Variants in DPYSL2 observed in about 807,000 individuals in gnomAD.
DPYSL2 encodes the protein dihydropyrimidinase-related protein 2.
DPYSL2 carries 13 observed loss-of-function variants against 69.9 expected under a neutral mutation model. The ratio of observed to expected loss-of-function variants is 0.19; its 90% CI spans 0.12 to 0.30. The LOEUF (loss-of-function observed/expected upper bound fraction) is 0.30, where lower values mean the gene tolerates loss of function less well. DPYSL2 is among the 10% of genes least tolerant of loss of function. DPYSL2 has a pLI of 1.00. For missense variants in DPYSL2, 587 were observed against 918.9 expected, an observed-to-expected ratio of 0.64 and a Z score of 4.67; for synonymous variants, 326 against 359.1, an observed-to-expected ratio of 0.91 and a Z score of 1.04.
intron 1 of DPYSL2, among the ~76,000 whole-genome samples, chr8:26,567,379 C>T (rs1585513386): frequency 1.4e-5 from 2 of 143,860 alleles, no homozygotes; most frequent in South Asian, 2.2e-4. Flanking sequence ...CATCTGCCCA[C>T]CCAACTATCC....
In DPYSL2 at chr8:26,640,425, A is replaced by G. The variant is rs372763905; in HGVS notation, c.1127-3014A>G. On this transcript the variant is annotated intron_variant, in intron 8 of 13. Transcript: ENST00000521913. This position sits in a 1 kb window ranked among gnomAD's most constrained non-coding sequence, Gnocchi z 4.2. Reference sequence around the variant, plus strand: ...TAGAGAAGTGCAGAAGGGCCAATTAAGCCCATTTCGTGGTTTATTATTATT... The same window carrying G: ...TAGAGAAGTGCAGAAGGGCCAATTAGGCCCATTTCGTGGTTTATTATTATT... Among the ~76,000 whole-genome samples, 5 of 152,340 alleles carry G rather than the reference A, an allele frequency of 3.3e-5. No individual in the cohort carries two copies. The East Asian group carries it at 5.8e-4, about 18-fold the overall frequency.
chr8:26,564,513 G>A lies in DPYSL2; in HGVS notation c.355-17456G>A, dbSNP rs1486596312. 2.6e-5 allele frequency among the ~76,000 whole-genome samples: 4 copies of A among 152,154 alleles called. No individual in the cohort carries two copies. The highest frequency in any genetic ancestry group is 5.9e-5 in the Non-Finnish European group (4 of 68,034). ...GGCTGACGTCTTCCTGTGAGACCTA[G>A]GGAAGGAGAAAAGAGGGGTGTGTGT... On this transcript the variant is annotated intron_variant, in intron 1 of 13. Coordinates refer to ENST00000521913, the MANE Select transcript of DPYSL2 (RefSeq NM_001197293.3). The surrounding 1 kb of genome is among the most constrained non-coding windows in gnomAD (Gnocchi z 4.8).
At chr8:26,558,309 G>T (rs1372912606) in intron 1 of DPYSL2, among the ~76,000 whole-genome samples, 1 of 152,270 alleles carries the variant, frequency 6.6e-6, no homozygotes, top group East Asian at 1.9e-4. Flanking sequence ...GGAACCTTAA[G>T]TATTTATTGC....
chr8:26,577,867 C>T, intron 1 of DPYSL2: 1 of 1,090,240 alleles, frequency 9.2e-7, no homozygotes, highest in South Asian at 2.4e-5. Flanking sequence ...TCTCTCGAAG[C>T]GGATGGCTTT....
chr8:26,530,113 C>CAAAAAA (rs34448431), intron 1 of DPYSL2, among the ~76,000 whole-genome samples: 9 of 72,030 alleles, frequency 1.2e-4, no homozygotes, highest in East Asian at 4.4e-4. Flanking sequence ...ACTCCGTCTC[C>CAAAAAA]AAAAAAAAAA....
chr8:26,583,736 T>C, intron 2 of DPYSL2, 63 bp from the exon 3 acceptor site: 1 of 1,455,890 alleles, frequency 6.9e-7, no homozygotes, highest in Non-Finnish European at 9.4e-7. Flanking sequence ...TGAAAGTAGC[T>C]GTCAGATCCC....
intron 1 of DPYSL2, among the ~76,000 whole-genome samples, chr8:26,559,087 C>T (rs902761978): frequency 6.6e-6 from 1 of 152,096 alleles, no homozygotes; most frequent in East Asian, 1.9e-4. Flanking sequence ...GGACTACAAG[C>T]GCACGCCACC....
chr8:26,577,182 C>T (rs556706217), intron 1 of DPYSL2: 26 of 445,834 alleles, frequency 5.8e-5, no homozygotes, highest in South Asian at 4.0e-4. Flanking sequence ...CCGGCGCCTC[C>T]ACGCGGGCCA....
chr8:26,541,380 AACTT>A (rs1236998125), intron 1 of DPYSL2, among the ~76,000 whole-genome samples: 1 of 152,214 alleles, frequency 6.6e-6, no homozygotes, highest in Non-Finnish European at 1.5e-5. Flanking sequence ...CACTAGACCT[AACTT>A]ACTTATCATT....
rs1354098619 is a variant in DPYSL2, at chr8:26,565,853, T to G, written c.355-16116T>G. ...TCAACACACAGCTCCCAAGGTTGTC[T>G]GGGCAATCATCATCCCGTCAGCTTG... On this transcript the variant is annotated intron_variant, in intron 1 of 13. Transcript: ENST00000521913. This position sits in a 1 kb window ranked among gnomAD's most constrained non-coding sequence, Gnocchi z 4.1. 6.6e-6 allele frequency among the ~76,000 whole-genome samples: 1 copy of G among 152,198 alleles called. No individual in the cohort carries two copies. The highest frequency in any genetic ancestry group is 1.5e-5 in the Non-Finnish European group (1 of 68,034).
intron 3 of DPYSL2, chr8:26,623,736 C>T (rs1802550661): frequency 5.7e-6 from 1 of 176,770 alleles, no homozygotes; most frequent in African/African-American, 2.4e-5. Context: ...TCTGCTCCAG[C>T]ACCTTCAAGT....
intron 3 of DPYSL2, among the ~76,000 whole-genome samples, chr8:26,599,833 T>C (rs1200808789): frequency 1.3e-5 from 2 of 152,208 alleles, no homozygotes; most frequent in South Asian, 2.1e-4. Context: ...ATTCACAGAA[T>C]TGTGGAAGCA....
At chr8:26,576,998 G>C (rs889739446) in intron 1 of DPYSL2, 10 of 309,662 alleles carry the variant, frequency 3.2e-5, no homozygotes, top group Middle Eastern at 7.9e-4. Context: ...CGCCACATCG[G>C]CCTCGGCGGG....
At position 26,607,222 on chromosome 8, in the gene DPYSL2, C is replaced by T. The variant is rs1400620845; in HGVS notation, c.629-16921C>T. On this transcript the variant is annotated intron_variant, in intron 3 of 13. Transcript: ENST00000521913. Reference sequence around the variant, plus strand: ...ATTTTGGGGGCCGGGTGGTGCCTCACGCCTGTTATCCCAGCACTTTGGGAG... The same window carrying T: ...ATTTTGGGGGCCGGGTGGTGCCTCATGCCTGTTATCCCAGCACTTTGGGAG... 3.9e-5 allele frequency among the ~76,000 whole-genome samples: 6 copies of T among 152,162 alleles called. No homozygotes were observed. In the East Asian group the frequency reaches 7.7e-4, roughly 20 times the overall value.
rs1195360434 is a variant in DPYSL2 at position 26,651,246 on chromosome 8, A to G, written c.1597-1011A>G. Among the ~76,000 whole-genome samples the G allele has an allele frequency of 3.3e-5, 5 of 152,272 alleles. No homozygotes were observed. In the South Asian group the frequency reaches 6.2e-4, roughly 19 times the overall value. ...TGTATGCGGGGCATTGTGCATTTAC[A>G]TGCCTGATGTGAGCTGCTGAGCTGG... is the stretch of plus-strand genomic sequence containing the variant. On this transcript the variant is annotated intron_variant, in intron 11 of 13. Coordinates refer to ENST00000521913, the MANE Select transcript of DPYSL2 (RefSeq NM_001197293.3).
intron 1 of DPYSL2, among the ~76,000 whole-genome samples, chr8:26,554,402 G>T: frequency 1.3e-5 from 2 of 149,698 alleles, no homozygotes; most frequent in Non-Finnish European, 1.5e-5. Context: ...GTTCTTTATA[G>T]ATGCTGTGTA....
chr8:26,655,845 A>G lies in DPYSL2; in HGVS notation c.*139A>G, dbSNP rs1389671708. The G allele has an allele frequency of 2.3e-6, 2 of 854,136 alleles. No homozygotes were observed. Among genetic ancestry groups the G allele is most frequent in the South Asian group, 5.5e-5 (2 of 36,680 alleles). 52.9% of individuals were successfully genotyped at this position (854,136 alleles called of 1,614,324 possible). On this transcript the variant is annotated 3_prime_UTR_variant, in exon 14 of 14. Coordinates refer to ENST00000521913, the MANE Select transcript of DPYSL2 (RefSeq NM_001197293.3). ...ATAGTTACTGTGGAGCAGCCAGTTC[A>G]TGGGGTCCCCCTTGGGGCCCCACAC...
Position 26,541,426 on chromosome 8 carries a change from GAAAC to G in DPYSL2, c.354+26754_354+26757del, listed in dbSNP as rs369625711. ...TCATGTCTTTTTGTTTCTTCTATCTGAAACAAACAATGCTTCAGAGACTTCTTCA... is the reference window on the plus strand; with the variant it reads ...TCATGTCTTTTTGTTTCTTCTATCTGAAACAATGCTTCAGAGACTTCTTCA... On this transcript the variant is annotated intron_variant, in intron 1 of 13. Transcript: ENST00000521913. 2.0e-3 allele frequency among the ~76,000 whole-genome samples: 309 copies of G among 152,180 alleles called. 3 individuals carry two copies. The highest frequency in any genetic ancestry group is 7.2e-3 in the African/African-American group (298 of 41,528).
At chr8:26,622,155 T>TTCCCTCCCTCCCTCCC (rs1554544282) in intron 3 of DPYSL2, among the ~76,000 whole-genome samples, 1 of 68,970 alleles carries the variant, frequency 1.4e-5, no homozygotes, top group African/African-American at 5.6e-5. Flanking sequence ...CCTTCCTTCC[T>TTCCCTCCCTCCCTCCC]TCCCTCTCTC....
Sources: allele counts gnomAD v4.1 joint callset (sites outside exome capture counted in the v4.1 genomes callset), GRCh38; gene constraint gnomAD v4.1.1; non-coding constraint Gnocchi (gnomAD v3.1); transcripts MANE v1.5; gene names NCBI Gene and HGNC (gene_info 2026-07-23, HGNC 2026-07-21).